Variants in AMD1 observed in about 807,000 individuals in gnomAD.
AMD1 encodes the protein adenosylmethionine decarboxylase 1.
In AMD1, 11 loss-of-function variants were observed where a neutral mutation model predicts 40.2. The observed-to-expected ratio is 0.27, with a 90% CI of 0.17 to 0.45. The LOEUF is 0.45. Ranked by LOEUF, AMD1 falls within the 20% of genes least tolerant of loss-of-function variation. AMD1 has a pLI of 1.00. For synonymous variants in AMD1, 121 were observed against 130.8 expected, an observed-to-expected ratio of 0.93 and a Z score of 0.51; for missense variants, 257 against 410.2, an observed-to-expected ratio of 0.63 and a Z score of 3.23.
the AMD1 span, among the ~76,000 whole-genome samples, chr6:110,816,830 C>G: frequency 6.6e-6 from 1 of 152,196 alleles, no homozygotes; most frequent in African/African-American, 2.4e-5. Flanking sequence ...CTCAAGGATC[C>G]TCCTGCCTCA....
chr6:110,875,267 G>C, intron 1 of AMD1, 52 bp downstream of exon 1: 1 of 1,419,638 alleles, frequency 7.0e-7, no homozygotes. Context: ...TGTCGCCGCC[G>C]CCGAGGCACC....
At chr6:110,838,128 C>T in the AMD1 span, among the ~76,000 whole-genome samples, 2 of 151,086 alleles carry the variant, frequency 1.3e-5, no homozygotes, top group African/African-American at 4.9e-5. Context: ...GTGGCTAACA[C>T]CTGTAATCCT....
intron 1 of AMD1, among the ~76,000 whole-genome samples, chr6:110,882,062 G>A (rs905798795): frequency 2.2e-4 from 34 of 152,302 alleles, no homozygotes; most frequent in Admixed American, 1.6e-3. Context: ...TCAGTTTGTA[G>A]TGTACTTGGG....
the AMD1 span, among the ~76,000 whole-genome samples, chr6:110,866,726 G>C: frequency 1.1e-3 from 174 of 152,248 alleles, no homozygotes; most frequent in Non-Finnish European, 2.0e-3. Context: ...GGTGGGGGAA[G>C]GGAGGGGTGT....
chr6:110,892,543 GT>G, intron 6 of AMD1, 100 bp downstream of exon 6: 1 of 1,524,950 alleles, frequency 6.6e-7, no homozygotes, highest in Non-Finnish European at 9.0e-7. Flanking sequence ...ACAAGTGCTA[GT>G]TTGTTACATA....
chr6:110,857,980 G>A, the AMD1 span, among the ~76,000 whole-genome samples: 1 of 151,688 alleles, frequency 6.6e-6, no homozygotes, highest in Non-Finnish European at 1.5e-5. Flanking sequence ...GACTACAGGC[G>A]CTTGCCACCA....
the AMD1 span, among the ~76,000 whole-genome samples, chr6:110,849,551 ACAACATGGAATT>A: frequency 6.6e-6 from 1 of 152,330 alleles, no homozygotes; most frequent in South Asian, 2.1e-4. Context: ...GGAACAAATC[ACAACATGGAATT>A]CCTTGAATAA....
At chr6:110,822,887 G>C in the AMD1 span, among the ~76,000 whole-genome samples, 2 of 152,198 alleles carry the variant, frequency 1.3e-5, no homozygotes, top group African/African-American at 4.8e-5. Flanking sequence ...GGCTGAGGCA[G>C]GCAGATCACC....
chr6:110,843,601 T>G, the AMD1 span, among the ~76,000 whole-genome samples: 1 of 152,206 alleles, frequency 6.6e-6, no homozygotes, highest in Non-Finnish European at 1.5e-5. Context: ...TTTATTCATT[T>G]ATTTTGAGAC....
intron 4 of AMD1, chr6:110,891,682 G>T: frequency 5.9e-6 from 1 of 168,538 alleles, no homozygotes; most frequent in Non-Finnish European, 1.3e-5. Flanking sequence ...GCAAATACCC[G>T]CCAAGTCAGT....
upstream of AMD1, among the ~76,000 whole-genome samples, chr6:110,870,292 A>T (rs940744746): frequency 9.9e-5 from 15 of 152,188 alleles, no homozygotes; most frequent in Admixed American, 3.3e-4. Context: ...TCTCAGAAAC[A>T]GTAGGAAGCC....
chr6:110,858,613 C>T, the AMD1 span: 11 of 1,526,418 alleles, frequency 7.2e-6, no homozygotes, highest in Non-Finnish European at 9.9e-6. Flanking sequence ...TGTCTCTTCT[C>T]GCCCTGGTGA....
the AMD1 span, among the ~76,000 whole-genome samples, chr6:110,827,790 A>G: frequency 6.6e-6 from 1 of 151,196 alleles, no homozygotes; most frequent in Non-Finnish European, 1.5e-5. Context: ...AAACACTACG[A>G]GAATGTTGCT....
At chr6:110,864,721 G>T in the AMD1 span, among the ~76,000 whole-genome samples, 2 of 152,194 alleles carry the variant, frequency 1.3e-5, no homozygotes, top group Non-Finnish European at 2.9e-5. Flanking sequence ...AAAGACTAGG[G>T]AAGTGTTGGG....
At chr6:110,871,574 T>C (rs1229243132), upstream of AMD1, among the ~76,000 whole-genome samples, 2 of 152,174 alleles carry the variant, frequency 1.3e-5, no homozygotes, top group African/African-American at 4.8e-5. Context: ...ATTTGTTGTG[T>C]AAAGGGTGGA....
intron 1 of AMD1, among the ~76,000 whole-genome samples, chr6:110,886,391 A>G (rs550626033): frequency 2.0e-5 from 3 of 152,164 alleles, no homozygotes; most frequent in East Asian, 1.9e-4. Flanking sequence ...CCAAAGTGCT[A>G]GGATTACAGG....
chr6:110,892,338 C>T lies in AMD1; in HGVS notation c.510C>T (p.Ile170=). 6.2e-7 allele frequency: 1 copy of T among 1,613,460 alleles called. No individual in the cohort carries two copies. Among genetic ancestry groups the T allele is most frequent in the Non-Finnish European group, 8.5e-7 (1 of 1,180,014 alleles). Reference sequence around the variant, plus strand: ...TGGATTTCCCAGAGAGTCGGGTAATCAGTCAGCCAGATCAAACCTTGGAAA... The same window carrying T: ...TGGATTTCCCAGAGAGTCGGGTAATTAGTCAGCCAGATCAAACCTTGGAAA... ...YTLDFPESRV[I]SQPDQTLEIL... is the part of the protein sequence containing the mutation. Residue 170 remains isoleucine, a synonymous_variant, in exon 6 of 9, where the codon ATC becomes ATT. Transcript: ENST00000368885.
chr6:110,881,925 T>A (rs1262597586), intron 1 of AMD1, among the ~76,000 whole-genome samples: 1 of 152,200 alleles, frequency 6.6e-6, no homozygotes, highest in Non-Finnish European at 1.5e-5. Flanking sequence ...CAAAATCATC[T>A]TGCTATCTTG....
At chr6:110,844,505 G>A in the AMD1 span, among the ~76,000 whole-genome samples, 4 of 151,888 alleles carry the variant, frequency 2.6e-5, no homozygotes, top group Admixed American at 2.6e-4. Flanking sequence ...TTCTGGGCTG[G>A]GTGTGGTGGC....
Sources: allele counts gnomAD v4.1 joint callset (sites outside exome capture counted in the v4.1 genomes callset), GRCh38; gene constraint gnomAD v4.1.1; transcripts MANE v1.5; gene names NCBI Gene and HGNC (gene_info 2026-07-23, HGNC 2026-07-21).